The following ANO6 variants were observed in gnomAD, a reference collection of about 807,000 sequenced individuals.
ANO6 encodes the protein anoctamin-6.
In ANO6, 106 loss-of-function variants were observed where a neutral mutation model predicts 117.5. The observed-to-expected ratio is 0.90, with a 90% CI of 0.77 to 1.06. The LOEUF (loss-of-function observed/expected upper bound fraction) is 1.06, where lower values mean the gene tolerates loss of function less well. Among genes scored for constraint, ANO6 ranks in the 50% least tolerant of loss-of-function variants. The pLI, the probability that ANO6 is intolerant of heterozygous loss-of-function variation, is 0.00. For synonymous variants in ANO6, 367 were observed against 385.1 expected, an observed-to-expected ratio of 0.95 and a Z score of 0.55; for missense variants, 955 against 1,121.1, an observed-to-expected ratio of 0.85 and a Z score of 2.12.
At chr12:45,268,382 T>C (rs775415184) in intron 1 of ANO6, among the ~76,000 whole-genome samples, 15 of 152,022 alleles carry the variant, frequency 9.9e-5, no homozygotes, top group African/African-American at 2.7e-4. Flanking sequence ...TAGCCAGGTG[T>C]GGTGGTACAT....
chr12:45,420,672 G>A (rs990673687), intron 17 of ANO6, among the ~76,000 whole-genome samples: 19 of 152,104 alleles, frequency 1.2e-4, no homozygotes, highest in Admixed American at 5.2e-4. Flanking sequence ...AAATTGACAC[G>A]ATGAAAATAG....
intron 9 of ANO6, among the ~76,000 whole-genome samples, chr12:45,375,005 G>T (rs1941963249): frequency 6.6e-6 from 1 of 151,492 alleles, no homozygotes; most frequent in Non-Finnish European, 1.5e-5. Context: ...CTTCAGCAAA[G>T]TCTCAGGATA....
At chr12:45,263,857 G>A (rs1240403658) in intron 1 of ANO6, among the ~76,000 whole-genome samples, 2 of 152,156 alleles carry the variant, frequency 1.3e-5, no homozygotes, top group African/African-American at 4.8e-5. Context: ...TGACAGCTTG[G>A]CTCCCTTCTG....
At chr12:45,294,921 T>C (rs1939236028) in intron 1 of ANO6, among the ~76,000 whole-genome samples, 1 of 152,128 alleles carries the variant, frequency 6.6e-6, no homozygotes, top group Non-Finnish European at 1.5e-5. Flanking sequence ...AAGTGAAAAA[T>C]TATGATAGCC....
intron 18 of ANO6, among the ~76,000 whole-genome samples, chr12:45,422,576 C>CTT (rs35726842): frequency 0.054 from 7,617 of 140,416 alleles, 398 homozygotes; most frequent in African/African-American, 0.14. Flanking sequence ...TCAAATATGA[C>CTT]TTTTTTTTTT....
intron 11 of ANO6, among the ~76,000 whole-genome samples, chr12:45,388,884 G>A (rs1229825130): frequency 6.6e-6 from 1 of 152,130 alleles, no homozygotes; most frequent in Non-Finnish European, 1.5e-5. Flanking sequence ...CATTGGAAAG[G>A]TAGATTTGCT....
chr12:45,357,907 T>C (rs1426612369), intron 8 of ANO6, among the ~76,000 whole-genome samples: 2 of 152,204 alleles, frequency 1.3e-5, no homozygotes, highest in African/African-American at 4.8e-5. Context: ...GTTGTTTTGG[T>C]TTTTACATTA....
At chr12:45,348,385 T>C in intron 5 of ANO6, 70 bp downstream of exon 5, 2 of 1,603,590 alleles carry the variant, frequency 1.2e-6, no homozygotes, top group Non-Finnish European at 1.7e-6. Context: ...GTTTGGTTGG[T>C]TTGGTTTTAT....
intron 1 of ANO6, chr12:45,270,499 T>C (rs1489822391): frequency 1.5e-6 from 2 of 1,377,020 alleles, no homozygotes; most frequent in African/African-American, 1.4e-5. Flanking sequence ...TTCTGACTCC[T>C]CATACTCACC....
intron 1 of ANO6, among the ~76,000 whole-genome samples, chr12:45,282,873 T>G (rs1938786866): frequency 1.3e-5 from 2 of 152,218 alleles, no homozygotes; most frequent in Non-Finnish European, 2.9e-5. Context: ...CTGTTAATAG[T>G]TTGAGGTGTA....
At chr12:45,435,757 ATGG>A (rs1373875265), downstream of ANO6, among the ~76,000 whole-genome samples, 3 of 152,130 alleles carry the variant, frequency 2.0e-5, no homozygotes. Context: ...GACAGCATCG[ATGG>A]TGGTTTTACC....
chr12:45,390,408 T>C lies in ANO6; in HGVS notation c.1309-13T>C. The C allele has an allele frequency of 6.2e-7, 1 of 1,611,102 alleles. No homozygotes were observed. The highest frequency in any genetic ancestry group is 8.5e-7 in the Non-Finnish European group (1 of 1,177,416). On this transcript the variant is annotated splice_polypyrimidine_tract_variant and intron_variant, in intron 11 of 19. Coordinates refer to ENST00000320560, the MANE Select transcript of ANO6 (RefSeq NM_001025356.3). Reference sequence around the variant, plus strand: ...TCCCTTGATTGACTAAACTTTTTTGTTTTTGTAATTAGGAAGAAGAACGCA... The same window carrying C: ...TCCCTTGATTGACTAAACTTTTTTGCTTTTGTAATTAGGAAGAAGAACGCA...
intron 2 of ANO6, among the ~76,000 whole-genome samples, chr12:45,315,160 C>T (rs533726109): frequency 1.3e-5 from 2 of 152,220 alleles, no homozygotes; most frequent in East Asian, 3.9e-4. Flanking sequence ...AACACGATAG[C>T]CACTGACCAC....
intron 8 of ANO6, among the ~76,000 whole-genome samples, chr12:45,363,201 G>A (rs1182134401): frequency 6.6e-6 from 1 of 152,032 alleles, no homozygotes; most frequent in Non-Finnish European, 1.5e-5. Flanking sequence ...CATTTTCCTT[G>A]AATATTATGT....
In ANO6 at chr12:45,429,715, G is replaced by C; in HGVS notation, c.*404G>C. ...CATGTTTCATTTCTTCACTTGGCTA[G>C]ATCTGTTCCAGGGTCATCTTTTCCT... On this transcript the variant is annotated 3_prime_UTR_variant, in exon 20 of 20. Coordinates refer to ENST00000320560, the MANE Select transcript of ANO6 (RefSeq NM_001025356.3). The C allele has an allele frequency of 4.5e-6, 5 of 1,106,092 alleles. No individual in the cohort carries two copies. The highest frequency in any genetic ancestry group is 4.9e-5 in the South Asian group (2 of 41,166). The allele number at this position is 1,106,092 out of a possible 1,614,324, so 68.5% of individuals were successfully genotyped here. A position where few individuals can be genotyped will look rare whatever the true frequency, so the allele number is the denominator to read the frequency against.
intron 8 of ANO6, among the ~76,000 whole-genome samples, chr12:45,362,149 T>C (rs1238504403): frequency 6.6e-6 from 1 of 152,084 alleles, no homozygotes; most frequent in African/African-American, 2.4e-5. Context: ...TTTTTTTCTG[T>C]TAGTCCAGTC....
chr12:45,397,381 C>A (rs1004858184), intron 12 of ANO6, among the ~76,000 whole-genome samples: 19 of 152,100 alleles, frequency 1.2e-4, no homozygotes, highest in African/African-American at 4.6e-4. Context: ...TGCTTTTACA[C>A]TGTTGGGAGT....
chr12:45,396,441 C>T (rs1342653196), intron 12 of ANO6, among the ~76,000 whole-genome samples: 1 of 152,160 alleles, frequency 6.6e-6, no homozygotes, highest in African/African-American at 2.4e-5. Context: ...AAATTCAGTG[C>T]CATCCCCATC....
At chr12:45,402,838 G>T (rs556210904) in intron 13 of ANO6, among the ~76,000 whole-genome samples, 2 of 152,176 alleles carry the variant, frequency 1.3e-5, no homozygotes, top group African/African-American at 4.8e-5. Flanking sequence ...TGTGGGGCAG[G>T]GGGGAACATG....
Sources: allele counts gnomAD v4.1 joint callset (sites outside exome capture counted in the v4.1 genomes callset), GRCh38; gene constraint gnomAD v4.1.1; transcripts MANE v1.5; gene names NCBI Gene and HGNC (gene_info 2026-07-23, HGNC 2026-07-21).